ZNF624: variants seen among roughly 807,000 people sequenced by gnomAD.
ZNF624 encodes zinc finger protein 624.
In ZNF624, 43 loss-of-function variants were observed where a neutral mutation model predicts 74.7. That is an observed-to-expected ratio of 0.58 (90% CI 0.45 to 0.74). The LOEUF (loss-of-function observed/expected upper bound fraction) is 0.74. Among genes scored for constraint, ZNF624 ranks in the 30% least tolerant of loss-of-function variants. The pLI, the probability that ZNF624 is intolerant of heterozygous loss-of-function variation, is 0.00. For synonymous variants in ZNF624, 331 were observed against 341.3 expected, an observed-to-expected ratio of 0.97 and a Z score of 0.33; for missense variants, 820 against 1,030.0, an observed-to-expected ratio of 0.80 and a Z score of 2.79.
At chr17:16,639,378 C>G (rs1909414244) in intron 3 of ZNF624, among the ~76,000 whole-genome samples, 1 of 152,156 alleles carries the variant, frequency 6.6e-6, no homozygotes, top group African/African-American at 2.4e-5. Flanking sequence ...AATAATAAGA[C>G]ATGGCGAATG....
intron 3 of ZNF624, among the ~76,000 whole-genome samples, chr17:16,642,563 G>A (rs2046385261): frequency 6.6e-6 from 1 of 152,088 alleles, no homozygotes; most frequent in Admixed American, 6.6e-5. Context: ...CTATAAAACT[G>A]TTAGAAGGAA....
At position 16,636,070 on chromosome 17, in the gene ZNF624, T is replaced by G. The variant is rs534821052; in HGVS notation, c.154-1314A>C. Among the ~76,000 whole-genome samples the G allele has an allele frequency of 5.9e-5, 9 of 152,272 alleles. No homozygotes were observed. The East Asian group carries it at 1.7e-3, about 29-fold the overall frequency. ...TATGAAAGACTACTAGGGTCATATC[T>G]AAGACACAGGAGACAACTTGAAGAG... is the stretch of plus-strand genomic sequence containing the variant. On this transcript the variant is annotated intron_variant, in intron 3 of 5. Coordinates refer to ENST00000311331, the MANE Select transcript of ZNF624 (RefSeq NM_020787.4).
At chr17:16,650,485 T>C (rs1384984344) in intron 1 of ZNF624, among the ~76,000 whole-genome samples, 1 of 151,900 alleles carries the variant, frequency 6.6e-6, no homozygotes, top group East Asian at 1.9e-4. Flanking sequence ...TATAGTCTTT[T>C]TATATTGAAA....
chr17:16,633,405 G>A (rs565550297), intron 5 of ZNF624, among the ~76,000 whole-genome samples: 8 of 152,304 alleles, frequency 5.3e-5, no homozygotes, highest in African/African-American at 1.4e-4. Context: ...TTCCTCCAAA[G>A]TTTCTGTAGC....
intron 2 of ZNF624, among the ~76,000 whole-genome samples, chr17:16,648,882 T>G (rs1909654445): frequency 6.6e-6 from 1 of 152,196 alleles, no homozygotes; most frequent in Non-Finnish European, 1.5e-5. Flanking sequence ...GTTCTCTGCC[T>G]CTGAAGCCTT....
chr17:16,615,137 G>A, the ZNF624 span, among the ~76,000 whole-genome samples: 3 of 151,982 alleles, frequency 2.0e-5, no homozygotes, highest in East Asian at 1.9e-4. Flanking sequence ...TCGCTCTGTC[G>A]CCCAGGCTGG....
In ZNF624 at chr17:16,622,648, A is replaced by G. The variant is rs762088561; in HGVS notation, c.2238T>C (p.His746=). 3 of 1,613,920 alleles carry G rather than the reference A, an allele frequency of 1.9e-6. No individual in the cohort carries two copies. Among genetic ancestry groups the G allele is most frequent in the South Asian group, 2.2e-5 (2 of 91,088 alleles). ...CACACTTATAGGGCTTCTCTCCACT[A>G]TGGATTTTCTGATGTTCTGTGACAT... The part of the protein sequence containing the change: ...MVHVTEHQKI[H]SGEKPYKCDV... The change falls in exon 6 of 6, where the codon CAT becomes CAC. Residue 746 remains histidine (H), a synonymous_variant. Transcript: ENST00000311331.
Position 16,642,032 on chromosome 17 carries a change from G to A in ZNF624, c.153+5297C>T, listed in dbSNP as rs145526743. ...TACATAAATAAATGGGAGGACAATC[G>A]ATGTTCAAGTATGGAAGACTTAATC... On this transcript the variant is annotated intron_variant, in intron 3 of 5. Coordinates refer to ENST00000311331, the MANE Select transcript of ZNF624 (RefSeq NM_020787.4). 1.4e-3 allele frequency among the ~76,000 whole-genome samples: 215 copies of A among 152,228 alleles called. 1 individual carries two copies. The highest frequency in any genetic ancestry group is 5.0e-3 in the African/African-American group (209 of 41,554).
Position 16,621,706 on chromosome 17 carries a change from G to A in ZNF624, c.*582C>T, listed in dbSNP as rs1332251339. On this transcript the variant is annotated 3_prime_UTR_variant, in exon 6 of 6. Transcript: ENST00000311331. ...CCTATGAAGAACCATCCAGTCCAGA[G>A]GGATTAAAGACTTAAGTGTAAAAAA... 1 of 152,008 alleles carries A rather than the reference G, an allele frequency of 6.6e-6. No individual in the cohort carries two copies. Among genetic ancestry groups the A allele is most frequent in the Non-Finnish European group, 1.5e-5 (1 of 68,038 alleles). 9.4% of individuals were successfully genotyped at this position (152,008 alleles called of 1,614,324 possible).
chr17:16,618,405 A>G (rs945859761), downstream of ZNF624, among the ~76,000 whole-genome samples: 1 of 152,198 alleles, frequency 6.6e-6, no homozygotes, highest in African/African-American at 2.4e-5. Flanking sequence ...AAATGTCTCA[A>G]TATTCATGTT....
the ZNF624 span, among the ~76,000 whole-genome samples, chr17:16,615,591 T>G: frequency 2.0e-5 from 3 of 152,126 alleles, no homozygotes; most frequent in Non-Finnish European, 4.4e-5. Flanking sequence ...ATCTCAATAG[T>G]GGCAAAAAAT....
Position 16,623,741 on chromosome 17 carries a change from T to G in ZNF624, c.1145A>C (p.Gln382Pro). Residue 382 changes from glutamine (Q) to proline (P), a missense_variant, in exon 6 of 6, where the codon CAA becomes CCA. Coordinates refer to ENST00000311331, the MANE Select transcript of ZNF624 (RefSeq NM_020787.4). This position sits in a 1 kb window ranked among gnomAD's most constrained non-coding sequence, Gnocchi z 5.3. ...CARLNQHQRI[Q>P]TGEKPYKCSE... ...ACATTTATAGGGTTTCTCTCCAGTTTGAATTCTCTGGTGCTGATTAAGACG... is the reference window on the plus strand; with the variant it reads ...ACATTTATAGGGTTTCTCTCCAGTTGGAATTCTCTGGTGCTGATTAAGACG... 6.2e-7 allele frequency: 1 copy of G among 1,614,026 alleles called. No individual in the cohort carries two copies. The highest frequency in any genetic ancestry group is 8.5e-7 in the Non-Finnish European group (1 of 1,180,004).
chr17:16,616,728 G>C, downstream of ZNF624: 1 of 579,272 alleles, frequency 1.7e-6, no homozygotes, highest in Non-Finnish European at 2.7e-6. Flanking sequence ...TCAAATTTCT[G>C]TGTGCCCCTG....
At chr17:16,648,374 T>C (rs1909644281) in intron 2 of ZNF624, among the ~76,000 whole-genome samples, 2 of 152,116 alleles carry the variant, frequency 1.3e-5, no homozygotes, top group Non-Finnish European at 1.5e-5. Flanking sequence ...TATGAAAAAA[T>C]GTTATGCTAA....
At chr17:16,643,821 G>A (rs977912145) in intron 3 of ZNF624, among the ~76,000 whole-genome samples, 6 of 152,192 alleles carry the variant, frequency 3.9e-5, no homozygotes, top group Non-Finnish European at 7.4e-5. Flanking sequence ...GTAGAATGTA[G>A]AAGTGTGAGT....
At chr17:16,637,497 T>C (rs1909361780) in intron 3 of ZNF624, among the ~76,000 whole-genome samples, 1 of 152,292 alleles carries the variant, frequency 6.6e-6, no homozygotes, top group Admixed American at 6.5e-5. Flanking sequence ...CAAAACAGCA[T>C]GGTACTGGTA....
chr17:16,618,808 C>T (rs775641043), downstream of ZNF624, among the ~76,000 whole-genome samples: 5 of 152,066 alleles, frequency 3.3e-5, no homozygotes, highest in African/African-American at 4.8e-5. Context: ...TATTTTTTCT[C>T]TAGCTTACGT....
At chr17:16,619,991 TTAA>T (rs1463775349), downstream of ZNF624, among the ~76,000 whole-genome samples, 7 of 152,236 alleles carry the variant, frequency 4.6e-5, no homozygotes, top group Non-Finnish European at 8.8e-5. Context: ...TTAGTAATAG[TTAA>T]TGTTTCACTA....
chr17:16,649,225 G>A (rs1283244162), intron 2 of ZNF624, among the ~76,000 whole-genome samples: 7 of 152,196 alleles, frequency 4.6e-5, no homozygotes, highest in African/African-American at 1.7e-4. Context: ...GTAGAAAAGA[G>A]ATCACTGAGA....
Sources: gnomAD v4.1 joint callset for allele counts (sites outside exome capture counted in the v4.1 genomes callset) on GRCh38, gnomAD v4.1.1 for gene constraint, Gnocchi (gnomAD v3.1) non-coding constraint, MANE v1.5 for transcripts, NCBI Gene and HGNC (gene_info 2026-07-23, HGNC 2026-07-21) for gene names.